PTGER3: variants seen among roughly 807,000 people sequenced by gnomAD.
PTGER3 encodes the protein prostaglandin E2 receptor EP3 subtype.
A neutral mutation model predicts 34.7 loss-of-function variants in PTGER3; 22 were observed. The observed-to-expected ratio is 0.63, with a 90% CI of 0.45 to 0.91. The LOEUF (loss-of-function observed/expected upper bound fraction) is 0.91, where lower values mean the gene tolerates loss of function less well. PTGER3 is among the 40% of genes least tolerant of loss of function. PTGER3 has a pLI of 0.00. For missense variants in PTGER3, 468 were observed against 519.4 expected (o/e 0.90, Z 0.96); for synonymous variants, 241 against 230.1 (o/e 1.05, Z -0.43).
At chr1:70,975,524 A>T (rs964136666) in intron 2 of PTGER3, among the ~76,000 whole-genome samples, 3 of 152,068 alleles carry the variant, frequency 2.0e-5, no homozygotes, top group African/African-American at 7.2e-5. Context: ...TTCCTTAAAA[A>T]TTTAATTAAG....
At chr1:71,011,950 T>C in intron 2 of PTGER3, 1 of 1,265,844 alleles carries the variant, frequency 7.9e-7, no homozygotes, top group Admixed American at 3.9e-5. Context: ...TAAAAAATGT[T>C]TTCATCACAT....
At chr1:70,946,312 T>G (rs1170701776) in intron 4 of PTGER3, among the ~76,000 whole-genome samples, 1 of 152,106 alleles carries the variant, frequency 6.6e-6, no homozygotes, top group Non-Finnish European at 1.5e-5. Context: ...GCTGAAAACT[T>G]GAGCACTATC....
intron 4 of PTGER3, chr1:70,886,298 AC>A: frequency 2.2e-6 from 1 of 451,920 alleles, no homozygotes; most frequent in South Asian, 1.6e-5. Flanking sequence ...ATCTGCTGGC[AC>A]CCTGATCCTG....
At chr1:71,015,225 T>C (rs925393718) in intron 1 of PTGER3, among the ~76,000 whole-genome samples, 11 of 152,066 alleles carry the variant, frequency 7.2e-5, no homozygotes, top group African/African-American at 2.7e-4. Context: ...GTGTGTGTGA[T>C]ATAACCACAT....
At chr1:71,011,910 C>T (rs2100856212) in intron 2 of PTGER3, 1 of 1,150,338 alleles carries the variant, frequency 8.7e-7, no homozygotes, top group Non-Finnish European at 1.1e-6. Context: ...TATTAACTAT[C>T]CCCGCTCCCC....
chr1:70,881,493 T>TG (rs1003042509), intron 4 of PTGER3, among the ~76,000 whole-genome samples: 12 of 152,210 alleles, frequency 7.9e-5, no homozygotes, highest in South Asian at 6.2e-4. Context: ...TTTTGCCTTT[T>TG]TTGTTGTTGT....
intron 4 of PTGER3, chr1:70,869,434 TAC>T (rs1415197885): frequency 2.8e-6 from 1 of 361,146 alleles, no homozygotes; most frequent in African/African-American, 2.1e-5. Context: ...TGCTGCGAAA[TAC>T]AGTCATGACT....
intron 4 of PTGER3, among the ~76,000 whole-genome samples, chr1:70,932,017 C>T (rs1648750056): frequency 6.6e-6 from 1 of 152,172 alleles, no homozygotes. Flanking sequence ...CTTTAAACAG[C>T]ACCCAAGTCA....
chr1:70,874,763 C>G (rs1646239352), intron 4 of PTGER3, among the ~76,000 whole-genome samples: 1 of 152,060 alleles, frequency 6.6e-6, no homozygotes, highest in South Asian at 2.1e-4. Flanking sequence ...TTGCATTTTC[C>G]CAGGAGAAAT....
At chr1:70,991,214 C>G (rs1487576844) in intron 2 of PTGER3, among the ~76,000 whole-genome samples, 2 of 152,162 alleles carry the variant, frequency 1.3e-5, no homozygotes, top group Non-Finnish European at 2.9e-5. Context: ...TACCCTCACA[C>G]TTTTGACAGT....
intron 2 of PTGER3, among the ~76,000 whole-genome samples, chr1:70,997,433 A>G (rs894503452): frequency 1.8e-4 from 28 of 152,186 alleles, no homozygotes; most frequent in African/African-American, 6.8e-4. Flanking sequence ...TATATTTTAC[A>G]CATAGCAAAA....
At chr1:70,866,591 G>T (rs1646047353) in intron 4 of PTGER3, among the ~76,000 whole-genome samples, 3 of 152,146 alleles carry the variant, frequency 2.0e-5, no homozygotes, top group Admixed American at 2.0e-4. Flanking sequence ...TCGATTGAAA[G>T]ACCAATGTCT....
chr1:70,923,193 T>C (rs1040134403), intron 4 of PTGER3, among the ~76,000 whole-genome samples: 2 of 132,350 alleles, frequency 1.5e-5, no homozygotes, highest in East Asian at 2.3e-4. Flanking sequence ...CATTGCCAAA[T>C]ACAAAATGGT....
At chr1:70,930,741 G>A (rs577714954) in intron 4 of PTGER3, among the ~76,000 whole-genome samples, 14 of 152,106 alleles carry the variant, frequency 9.2e-5, no homozygotes, top group African/African-American at 1.9e-4. Context: ...GAGGGAAACC[G>A]CCCCATGGTT....
chr1:70,894,526 C>A (rs1646686050), intron 4 of PTGER3, among the ~76,000 whole-genome samples: 1 of 152,018 alleles, frequency 6.6e-6, no homozygotes, highest in Non-Finnish European at 1.5e-5. Context: ...ATTTGGTTTT[C>A]TTCTACTCTT....
chr1:70,856,872 T>C (rs1645817893), intron 4 of PTGER3, among the ~76,000 whole-genome samples: 1 of 152,206 alleles, frequency 6.6e-6, no homozygotes, highest in South Asian at 2.1e-4. Context: ...TATGTATGCA[T>C]TCCTGTAACA....
intron 2 of PTGER3, among the ~76,000 whole-genome samples, chr1:70,984,244 A>G (rs532463337): frequency 2.6e-4 from 39 of 151,702 alleles, no homozygotes; most frequent in African/African-American, 8.7e-4. Flanking sequence ...AAAATTACCC[A>G]AGTGTGGTGG....
intron 4 of PTGER3, among the ~76,000 whole-genome samples, chr1:70,873,426 C>A (rs1349064375): frequency 4.6e-5 from 7 of 152,084 alleles, no homozygotes. Flanking sequence ...CACGGTGAGT[C>A]ATATAATAGA....
intron 4 of PTGER3, among the ~76,000 whole-genome samples, chr1:70,865,401 A>G (rs991840253): frequency 2.0e-5 from 3 of 152,154 alleles, no homozygotes; most frequent in African/African-American, 7.2e-5. Flanking sequence ...AGTGACTGCA[A>G]TCAGACAGGC....
Sources: gnomAD v4.1 joint callset for allele counts (sites outside exome capture counted in the v4.1 genomes callset) on GRCh38, gnomAD v4.1.1 for gene constraint, MANE v1.5 for transcripts, NCBI Gene and HGNC (gene_info 2026-07-23, HGNC 2026-07-21) for gene names.